The following PITPNB variants were observed in gnomAD, a reference collection of about 807,000 sequenced individuals.
PITPNB encodes phosphatidylinositol transfer protein beta.
In PITPNB, 16 loss-of-function variants were observed where a neutral mutation model predicts 45.9. The observed-to-expected ratio is 0.35, with a 90% CI of 0.24 to 0.53. The LOEUF (loss-of-function observed/expected upper bound fraction) is 0.53, where lower values mean the gene tolerates loss of function less well. Among genes scored for constraint, PITPNB ranks in the 20% least tolerant of loss-of-function variants. The pLI, the probability that PITPNB is intolerant of heterozygous loss-of-function variation, is 0.93. For synonymous variants in PITPNB, 112 were observed against 108.9 expected (o/e 1.03, Z -0.18); for missense variants, 188 against 330.5 (o/e 0.57, Z 3.34).
At chr22:27,914,125 T>A (rs745945621) in intron 2 of PITPNB, among the ~76,000 whole-genome samples, 192 bp downstream of exon 2, 1 of 152,220 alleles carries the variant, frequency 6.6e-6, no homozygotes, top group Non-Finnish European at 1.5e-5. Context: ...AACAAGGCAG[T>A]GTAGCAAGAA....
intron 9 of PITPNB, among the ~76,000 whole-genome samples, 176 bp downstream of exon 9, chr22:27,859,955 C>T (rs940164878): frequency 1.3e-5 from 2 of 152,232 alleles, no homozygotes; most frequent in Non-Finnish European, 2.9e-5. Context: ...AAAACCTCTG[C>T]TGCCATCTGT....
rs147919520 is a variant in PITPNB, at chr22:27,865,701, C to T, written c.535-5460G>A. ...TGGCTTTAAAAAAATACAAATGTTG[C>T]GCGGAGGGTGAAAGGAAGGAGAGGA... On this transcript the variant is annotated intron_variant, in intron 8 of 11. Coordinates refer to ENST00000335272, the MANE Select transcript of PITPNB (RefSeq NM_012399.5). 5.1e-3 allele frequency among the ~76,000 whole-genome samples: 777 copies of T among 151,614 alleles called. 8 individuals are homozygous for T. Among genetic ancestry groups the T allele is most frequent in the South Asian group, 0.021 (100 of 4,796 alleles).
chr22:27,861,855 A>G (rs1264678966), intron 8 of PITPNB, among the ~76,000 whole-genome samples: 1 of 152,188 alleles, frequency 6.6e-6, no homozygotes, highest in East Asian at 1.9e-4. Context: ...CTTAATACAC[A>G]TTAGTTCTCT....
At chr22:27,902,557 G>T (rs1405594070) in intron 3 of PITPNB, among the ~76,000 whole-genome samples, 1 of 152,060 alleles carries the variant, frequency 6.6e-6, no homozygotes, top group South Asian at 2.1e-4. Context: ...ACTCAAAATG[G>T]ATAAAGACTT....
intron 3 of PITPNB, among the ~76,000 whole-genome samples, chr22:27,905,293 G>A (rs965205252): frequency 6.6e-6 from 1 of 152,122 alleles, no homozygotes; most frequent in Non-Finnish European, 1.5e-5. Flanking sequence ...GATTACAGGT[G>A]CCTGCCACCA....
chr22:27,919,063 G>A (rs754690590), intron 1 of PITPNB, 109 bp downstream of exon 1: 1 of 1,556,044 alleles, frequency 6.4e-7, no homozygotes, highest in East Asian at 2.2e-5. Flanking sequence ...CGCAGGGAGG[G>A]GCTGACACAG....
chr22:27,862,404 T>C lies in PITPNB; in HGVS notation c.535-2163A>G, dbSNP rs1195073825. Reference sequence around the variant, plus strand: ...TGCGACTGAATGTTCTATAGAGTCCTACATGATTGATCAACTTTTCTCAAG... The same window carrying C: ...TGCGACTGAATGTTCTATAGAGTCCCACATGATTGATCAACTTTTCTCAAG... On this transcript the variant is annotated intron_variant, in intron 8 of 11. Coordinates refer to ENST00000335272, the MANE Select transcript of PITPNB (RefSeq NM_012399.5). Among the ~76,000 whole-genome samples, 2 of 152,212 alleles carry C rather than the reference T, an allele frequency of 1.3e-5. 1 individual carries two copies. Among genetic ancestry groups the C allele is most frequent in the African/African-American group, 4.8e-5 (2 of 41,468 alleles).
At chr22:27,880,448 C>CA (rs1934936547) in intron 7 of PITPNB, among the ~76,000 whole-genome samples, 2 of 152,140 alleles carry the variant, frequency 1.3e-5, no homozygotes, top group Non-Finnish European at 2.9e-5. Context: ...TTCTGACTCT[C>CA]AGAGAATTTT....
chr22:27,866,750 T>C (rs1417888548), intron 8 of PITPNB, among the ~76,000 whole-genome samples: 1 of 152,212 alleles, frequency 6.6e-6, no homozygotes, highest in Non-Finnish European at 1.5e-5. Flanking sequence ...CATAACTGTC[T>C]TCATATTTTC....
intron 7 of PITPNB, 129 bp from the exon 8 acceptor site, chr22:27,873,944 A>T (rs1429601840): frequency 4.8e-6 from 3 of 626,738 alleles, no homozygotes; most frequent in Admixed American, 2.6e-5. Flanking sequence ...GCTTTTGCGT[A>T]AAAGTAGAAA....
rs139064371 is a variant in PITPNB at position 27,912,845 on chromosome 22, G to A, written c.51+1472C>T. The stretch of plus-strand genomic sequence containing the variant: ...AAATATACAAAAATTAGCCAGGTGC[G>A]GTGGCGGGTGCCTGTAATCCCAGCT... On this transcript the variant is annotated intron_variant, in intron 2 of 11. Transcript: ENST00000335272. Among the ~76,000 whole-genome samples the A allele has an allele frequency of 2.6e-3, 389 of 151,802 alleles. 1 individual carries two copies. Among genetic ancestry groups the A allele is most frequent in the Middle Eastern group, 6.8e-3 (2 of 294 alleles).
At chr22:27,885,058 CG>C (rs201525005) in intron 7 of PITPNB, among the ~76,000 whole-genome samples, 4,080 of 148,204 alleles carry the variant, frequency 0.028, 54 homozygotes, top group Non-Finnish European at 0.032. Flanking sequence ...CTTCCAAAAA[CG>C]AAGGTCTCTC....
intron 3 of PITPNB, among the ~76,000 whole-genome samples, chr22:27,905,828 A>C (rs1209141617): frequency 1.3e-5 from 2 of 152,324 alleles, no homozygotes; most frequent in East Asian, 3.9e-4. Context: ...AGGACTGGTC[A>C]GTGTGTTCGT....
chr22:27,915,511 C>T (rs1936050852), intron 1 of PITPNB, among the ~76,000 whole-genome samples: 1 of 152,068 alleles, frequency 6.6e-6, no homozygotes, highest in African/African-American at 2.4e-5. Flanking sequence ...CTACTCTCCT[C>T]AAACATCTAT....
chr22:27,885,908 TTGCTAGGTCC>T (rs1935111103), intron 7 of PITPNB, among the ~76,000 whole-genome samples: 1 of 152,182 alleles, frequency 6.6e-6, no homozygotes, highest in Non-Finnish European at 1.5e-5. Context: ...ATCCAGCATC[TTGCTAGGTCC>T]TGGAAACAGA....
chr22:27,871,581 T>C (rs1934659985), intron 8 of PITPNB, among the ~76,000 whole-genome samples: 2 of 152,128 alleles, frequency 1.3e-5, no homozygotes, highest in South Asian at 4.1e-4. Flanking sequence ...TCAAAGGGCT[T>C]CTCCTCCAAC....
At chr22:27,915,565 T>TGTTACTCCCTCCCCTTTGACTACTGA (rs1936052486) in intron 1 of PITPNB, among the ~76,000 whole-genome samples, 5 of 152,182 alleles carry the variant, frequency 3.3e-5, no homozygotes, top group Admixed American at 1.3e-4. Context: ...TGCACAAGTC[T>TGTTACTCCCTCCCCTTTGACTACTGA]GTTACTCCCT....
intron 10 of PITPNB, 101 bp downstream of exon 10, chr22:27,858,276 GGAATGATTTT>G (rs1934228331): frequency 2.5e-6 from 2 of 808,654 alleles, no homozygotes; most frequent in Non-Finnish European, 3.9e-6. Flanking sequence ...AGTAGAATAG[GGAATGATTTT>G]TAACAACACT....
chr22:27,882,203 T>C (rs1934992669), intron 7 of PITPNB, among the ~76,000 whole-genome samples: 1 of 152,188 alleles, frequency 6.6e-6, no homozygotes, highest in Admixed American at 6.5e-5. Context: ...TTGCCAACTT[T>C]TAGAAAATAA....
Sources: allele counts gnomAD v4.1 joint callset (sites outside exome capture counted in the v4.1 genomes callset), GRCh38; gene constraint gnomAD v4.1.1; transcripts MANE v1.5; gene names NCBI Gene and HGNC (gene_info 2026-07-23, HGNC 2026-07-21).